SLC8A3: variants seen among roughly 807,000 people sequenced by gnomAD.
SLC8A3 encodes sodium/calcium exchanger 3.
Under a neutral mutation model 65.4 loss-of-function variants are expected in SLC8A3, and 37 were observed. The observed-to-expected ratio is 0.57, with a 90% CI of 0.44 to 0.74. SLC8A3 has a LOEUF of 0.74. Among genes scored for constraint, SLC8A3 ranks in the 30% least tolerant of loss-of-function variants. The probability of loss-of-function intolerance (pLI) is 0.00; values close to 1 mark genes in which losing one functional copy is unlikely to be tolerated. For missense variants in SLC8A3, 1,112 were observed against 1,172.1 expected (o/e 0.95, Z 0.75); for synonymous variants, 461 against 444.5 (o/e 1.04, Z -0.47).
chr14:70,057,433 C>T (rs1332932470), intron 3 of SLC8A3, among the ~76,000 whole-genome samples: 1 of 152,152 alleles, frequency 6.6e-6, no homozygotes, highest in Non-Finnish European at 1.5e-5. Context: ...CATAAATGAA[C>T]ACAGGTGGGT....
intron 6 of SLC8A3, 66 bp downstream of exon 6, chr14:70,048,701 G>T: frequency 7.4e-7 from 1 of 1,353,258 alleles, no homozygotes; most frequent in Non-Finnish European, 1.0e-6. Flanking sequence ...ATAATGAGAT[G>T]GAGTCCAGGG....
intron 2 of SLC8A3, among the ~76,000 whole-genome samples, chr14:70,125,289 T>C (rs1894367168): frequency 6.6e-6 from 1 of 152,228 alleles, no homozygotes; most frequent in Non-Finnish European, 1.5e-5. Flanking sequence ...ATGTACGTTG[T>C]ACTCATTAAG....
intron 2 of SLC8A3, among the ~76,000 whole-genome samples, chr14:70,084,669 T>A (rs1251242419): frequency 1.3e-5 from 2 of 152,142 alleles, no homozygotes; most frequent in Non-Finnish European, 2.9e-5. Flanking sequence ...GAAGGGAAAA[T>A]TGAATGTTTT....
At chr14:70,049,527 T>C (rs917679703) in intron 5 of SLC8A3, among the ~76,000 whole-genome samples, 3 of 151,976 alleles carry the variant, frequency 2.0e-5, no homozygotes, top group Admixed American at 6.5e-5. Flanking sequence ...AAATACCTAA[T>C]GTAGATGACG....
At chr14:70,143,889 G>A (rs1208010207) in intron 2 of SLC8A3, among the ~76,000 whole-genome samples, 1 of 152,104 alleles carries the variant, frequency 6.6e-6, no homozygotes, top group African/African-American at 2.4e-5. Context: ...GCACCTCACT[G>A]CTTACTTATC....
chr14:70,096,226 C>A (rs1334596924), intron 2 of SLC8A3, among the ~76,000 whole-genome samples: 5 of 152,098 alleles, frequency 3.3e-5, no homozygotes, highest in Non-Finnish European at 7.3e-5. Flanking sequence ...ATAAAAGGTG[C>A]CTTTACTGGG....
At chr14:70,117,055 A>C (rs1398869986) in intron 2 of SLC8A3, among the ~76,000 whole-genome samples, 1 of 152,218 alleles carries the variant, frequency 6.6e-6, no homozygotes, top group Admixed American at 6.5e-5. Context: ...TGTGTTCTCC[A>C]GGGGATCCCT....
chr14:70,140,753 C>A (rs957080030), intron 2 of SLC8A3, among the ~76,000 whole-genome samples: 1 of 152,210 alleles, frequency 6.6e-6, no homozygotes, highest in Admixed American at 6.5e-5. Flanking sequence ...TCAAGCTGCA[C>A]GCTTCTCCTT....
intron 2 of SLC8A3, among the ~76,000 whole-genome samples, chr14:70,070,336 C>A (rs1311770814): frequency 6.6e-6 from 1 of 152,186 alleles, no homozygotes; most frequent in Non-Finnish European, 1.5e-5. Context: ...CACACATTAT[C>A]TCATTTAATA....
At chr14:70,108,578 C>T (rs747106443) in intron 2 of SLC8A3, among the ~76,000 whole-genome samples, 1 of 152,040 alleles carries the variant, frequency 6.6e-6, no homozygotes, top group Non-Finnish European at 1.5e-5. Context: ...GAGAAAAATG[C>T]CCCTTTATGA....
At chr14:70,127,674 G>T (rs1894558926) in intron 2 of SLC8A3, among the ~76,000 whole-genome samples, 1 of 152,108 alleles carries the variant, frequency 6.6e-6, no homozygotes. Flanking sequence ...CAATTAACAG[G>T]ATATGGACCA....
At chr14:70,185,723 GAC>G (rs1566841644) in intron 1 of SLC8A3, among the ~76,000 whole-genome samples, 1 of 152,230 alleles carries the variant, frequency 6.6e-6, no homozygotes, top group Non-Finnish European at 1.5e-5. Flanking sequence ...AGGCCTTGGG[GAC>G]ACAGTTTCCT....
chr14:70,137,728 C>T (rs1229078328), intron 2 of SLC8A3, among the ~76,000 whole-genome samples: 1 of 148,846 alleles, frequency 6.7e-6, no homozygotes, highest in Non-Finnish European at 1.5e-5. Flanking sequence ...ATGCCAAATA[C>T]AATGATCTGC....
At chr14:70,077,577 G>C (rs780346229) in intron 2 of SLC8A3, among the ~76,000 whole-genome samples, 1 of 152,146 alleles carries the variant, frequency 6.6e-6, no homozygotes, top group Non-Finnish European at 1.5e-5. Flanking sequence ...AGGGCTCCTC[G>C]ACCTTGGATA....
chr14:70,159,973 A>AC (rs1896790598), intron 2 of SLC8A3, among the ~76,000 whole-genome samples: 1 of 152,152 alleles, frequency 6.6e-6, no homozygotes, highest in Non-Finnish European at 1.5e-5. Context: ...GGCTCCACCA[A>AC]CCGCAGGTTC....
intron 1 of SLC8A3, among the ~76,000 whole-genome samples, chr14:70,183,750 G>T (rs1320027591): frequency 6.6e-6 from 1 of 152,222 alleles, no homozygotes; most frequent in Non-Finnish European, 1.5e-5. Context: ...AGCAAAAAGA[G>T]AAAGCAGATA....
intron 2 of SLC8A3, among the ~76,000 whole-genome samples, chr14:70,123,485 T>C (rs1894222612): frequency 6.6e-6 from 1 of 151,594 alleles, no homozygotes; most frequent in Non-Finnish European, 1.5e-5. Flanking sequence ...GTTTCACTCT[T>C]GTCGCCCAGG....
intron 2 of SLC8A3, among the ~76,000 whole-genome samples, chr14:70,099,610 T>C (rs1441222890): frequency 6.6e-6 from 1 of 152,232 alleles, no homozygotes; most frequent in Non-Finnish European, 1.5e-5. Flanking sequence ...TAGTTAGTAC[T>C]ACCATCAGGA....
chr14:70,116,941 C>T (rs1893708143), intron 2 of SLC8A3, among the ~76,000 whole-genome samples: 1 of 152,218 alleles, frequency 6.6e-6, no homozygotes, highest in Non-Finnish European at 1.5e-5. Flanking sequence ...TCAGACTTTT[C>T]AACATGAATA....
Sources: allele counts gnomAD v4.1 joint callset (sites outside exome capture counted in the v4.1 genomes callset), GRCh38; gene constraint gnomAD v4.1.1; transcripts MANE v1.5; gene names NCBI Gene and HGNC (gene_info 2026-07-23, HGNC 2026-07-21).